The following ERC1 variants were observed in gnomAD, a reference collection of about 807,000 sequenced individuals.
ERC1 encodes ELKS/RAB6-interacting/CAST family member 1, also known as RAB6 interacting protein 2.
A neutral mutation model predicts 132.0 loss-of-function variants in ERC1; 56 were observed. The ratio of observed to expected loss-of-function variants is 0.42; its 90% confidence interval spans 0.34 to 0.53. The LOEUF (loss-of-function observed/expected upper bound fraction) is 0.53. ERC1 is among the 20% of genes least tolerant of loss of function. ERC1 has a pLI of 0.03. For missense variants in ERC1, 1,202 were observed against 1,349.9 expected, an observed-to-expected ratio of 0.89 and a Z score of 1.72; for synonymous variants, 478 against 476.1, an observed-to-expected ratio of 1.00 and a Z score of -0.05.
At chr12:1,327,236 G>A (rs2082509675) in intron 15 of ERC1, among the ~76,000 whole-genome samples, 2 of 149,554 alleles carry the variant, frequency 1.3e-5, no homozygotes, top group African/African-American at 5.1e-5. Flanking sequence ...TTCTATTAAA[G>A]TCATGAGTGA....
chr12:1,094,851 A>G (rs1943806879), intron 3 of ERC1, among the ~76,000 whole-genome samples: 1 of 152,162 alleles, frequency 6.6e-6, no homozygotes, highest in African/African-American at 2.4e-5. Context: ...TAAGATACGA[A>G]AAAGTGGTAA....
intron 1 of ERC1, among the ~76,000 whole-genome samples, chr12:1,017,340 A>G (rs959886343): frequency 1.2e-4 from 18 of 152,068 alleles, no homozygotes; most frequent in Admixed American, 1.1e-3. Flanking sequence ...TGTGATGTGA[A>G]TAGTAGTGAA....
At chr12:1,465,446 C>T (rs1043443337) in intron 18 of ERC1, among the ~76,000 whole-genome samples, 1 of 152,178 alleles carries the variant, frequency 6.6e-6, no homozygotes, top group Non-Finnish European at 1.5e-5. Flanking sequence ...ATGCTGCATG[C>T]CAGAGGCACT....
intron 15 of ERC1, among the ~76,000 whole-genome samples, chr12:1,291,449 A>G (rs2079446540): frequency 6.6e-6 from 1 of 152,170 alleles, no homozygotes; most frequent in South Asian, 2.1e-4. Context: ...CCATATTTTA[A>G]AGGTTTAAAT....
At chr12:1,488,977 G>T (rs1305392892) in intron 18 of ERC1, among the ~76,000 whole-genome samples, 5 of 152,188 alleles carry the variant, frequency 3.3e-5, no homozygotes, top group African/African-American at 1.2e-4. Flanking sequence ...TGAGAAAGTG[G>T]CGATGCTCAT....
intron 13 of ERC1, among the ~76,000 whole-genome samples, chr12:1,249,794 C>T (rs73595915): frequency 0.054 from 8,234 of 152,198 alleles, 487 homozygotes; most frequent in African/African-American, 0.15. Context: ...ATCAAGGAAC[C>T]AGCAGATTTG....
At chr12:1,419,641 C>A (rs971432704) in intron 17 of ERC1, among the ~76,000 whole-genome samples, 2 of 151,198 alleles carry the variant, frequency 1.3e-5, no homozygotes, top group African/African-American at 4.9e-5. Flanking sequence ...TTGTGAAAAA[C>A]CAAAGTAATG....
At chr12:1,066,231 A>G (rs1485866841) in intron 2 of ERC1, among the ~76,000 whole-genome samples, 1 of 152,284 alleles carries the variant, frequency 6.6e-6, no homozygotes, top group Non-Finnish European at 1.5e-5. Context: ...TAAAACAAAT[A>G]TTCGCTATGG....
At chr12:1,368,094 A>G (rs76879893) in intron 15 of ERC1, among the ~76,000 whole-genome samples, 4,412 of 150,652 alleles carry the variant, frequency 0.029, 89 homozygotes, top group South Asian at 0.088. Flanking sequence ...ATGTGCTTGT[A>G]TTACTCCCTA....
At chr12:1,196,295 C>T (rs998465594) in intron 12 of ERC1, among the ~76,000 whole-genome samples, 14 of 152,096 alleles carry the variant, frequency 9.2e-5, no homozygotes, top group African/African-American at 3.1e-4. Flanking sequence ...CTCACCCTTT[C>T]GTCTTTTGAG....
intron 12 of ERC1, among the ~76,000 whole-genome samples, chr12:1,218,902 T>C (rs549111066): frequency 6.6e-6 from 1 of 151,926 alleles, no homozygotes; most frequent in South Asian, 2.1e-4. Context: ...AGATGGAGTC[T>C]CACTCTGTCG....
intron 17 of ERC1, among the ~76,000 whole-genome samples, chr12:1,439,451 C>T (rs2093041599): frequency 6.6e-6 from 1 of 152,124 alleles, no homozygotes; most frequent in African/African-American, 2.4e-5. Flanking sequence ...AATACATAAA[C>T]AAATAAATTC....
chr12:1,296,436 G>A (rs1301067393), intron 15 of ERC1, among the ~76,000 whole-genome samples: 1 of 98,270 alleles, frequency 1.0e-5, no homozygotes, highest in Non-Finnish European at 1.9e-5. Flanking sequence ...TTTTTGAGAT[G>A]GAGTGTCGCT....
chr12:1,007,634 C>G (rs1476278179), intron 1 of ERC1, among the ~76,000 whole-genome samples: 5 of 151,912 alleles, frequency 3.3e-5, no homozygotes, highest in African/African-American at 4.8e-5. Context: ...GACTCCCAGA[C>G]TTTCAGATGG....
chr12:997,494 G>C (rs1041200961), intron 1 of ERC1, among the ~76,000 whole-genome samples: 2 of 152,188 alleles, frequency 1.3e-5, no homozygotes, highest in East Asian at 3.8e-4. Context: ...AGGATCTTGG[G>C]TTTGAGGAAC....
chr12:1,406,588 G>A (rs1295859987), intron 16 of ERC1, among the ~76,000 whole-genome samples: 1 of 152,032 alleles, frequency 6.6e-6, no homozygotes, highest in East Asian at 1.9e-4. Flanking sequence ...CACTGATAGA[G>A]GAATTATAGA....
At chr12:1,375,383 C>G (rs983853616) in intron 16 of ERC1, among the ~76,000 whole-genome samples, 7 of 152,092 alleles carry the variant, frequency 4.6e-5, no homozygotes, top group African/African-American at 9.7e-5. Context: ...CAATCACCTC[C>G]CACCAGGCCC....
chr12:1,068,198 G>A (rs1243593353), intron 2 of ERC1, among the ~76,000 whole-genome samples: 1 of 152,036 alleles, frequency 6.6e-6, no homozygotes, highest in Admixed American at 6.6e-5. Flanking sequence ...CCAAAGTACT[G>A]GGATTACAGG....
At chr12:1,488,626 C>G (rs942262411) in intron 18 of ERC1, among the ~76,000 whole-genome samples, 1 of 152,136 alleles carries the variant, frequency 6.6e-6, no homozygotes. Context: ...ATGAACTGAT[C>G]GGCAGAACTG....
Sources: allele counts gnomAD v4.1 joint callset (sites outside exome capture counted in the v4.1 genomes callset), GRCh38; gene constraint gnomAD v4.1.1; transcripts MANE v1.5; gene names NCBI Gene and HGNC (gene_info 2026-07-23, HGNC 2026-07-21).